The following RBFOX1 variants were observed in gnomAD, a reference collection of about 807,000 sequenced individuals.
RBFOX1 encodes the protein RNA binding fox-1 homolog 1.
A neutral mutation model predicts 57.7 loss-of-function variants in RBFOX1; 8 were observed. That is an observed-to-expected ratio of 0.14 (90% CI 0.08 to 0.25). The LOEUF is 0.25. RBFOX1 is among the 10% of genes least tolerant of loss of function. The pLI, the probability that RBFOX1 is intolerant of heterozygous loss-of-function variation, is 1.00. For synonymous variants in RBFOX1, 326 were observed against 222.4 expected, an observed-to-expected ratio of 1.47 and a Z score of -4.15; for missense variants, 611 against 548.5, an observed-to-expected ratio of 1.11 and a Z score of -1.14.
intron 15 of RBFOX1, 53 bp downstream of exon 15, chr16:7,709,184 C>G (rs545520623): frequency 6.6e-7 from 1 of 1,510,872 alleles, no homozygotes; most frequent in Non-Finnish European, 9.2e-7. Flanking sequence ...CTTCCCTTTC[C>G]CCAGCTGGGA....
intron 3 of RBFOX1, among the ~76,000 whole-genome samples, chr16:5,732,702 T>C (rs2052424181): frequency 6.6e-6 from 1 of 152,186 alleles, no homozygotes; most frequent in Non-Finnish European, 1.5e-5. Context: ...TATCCATTTT[T>C]CACCCATTTA....
chr16:6,142,233 T>A (rs1406985809), intron 1 of RBFOX1, among the ~76,000 whole-genome samples: 1 of 148,298 alleles, frequency 6.7e-6, no homozygotes, highest in South Asian at 2.2e-4. Flanking sequence ...TCTTTTTTTT[T>A]TTTTTGGAGA....
chr16:7,109,238 C>T (rs1031730830), intron 4 of RBFOX1, among the ~76,000 whole-genome samples: 3 of 152,076 alleles, frequency 2.0e-5, no homozygotes, highest in African/African-American at 4.8e-5. Context: ...TAATGTTAAC[C>T]TTGGGACCTC....
chr16:6,895,613 GAA>G (rs926639259), intron 3 of RBFOX1, among the ~76,000 whole-genome samples: 1 of 151,000 alleles, frequency 6.6e-6, no homozygotes, highest in African/African-American at 2.4e-5. Context: ...TGGAGGAGAA[GAA>G]AAAAATGGAG....
chr16:6,742,752 T>C (rs62017581), intron 3 of RBFOX1, among the ~76,000 whole-genome samples: 12,633 of 152,244 alleles, frequency 0.083, 770 homozygotes, highest in Non-Finnish European at 0.12. Flanking sequence ...TTATAGACTA[T>C]ACAATGTCAT....
intron 10 of RBFOX1, among the ~76,000 whole-genome samples, chr16:7,615,268 G>A (rs977897267): frequency 6.6e-6 from 1 of 152,094 alleles, no homozygotes; most frequent in African/African-American, 2.4e-5. Flanking sequence ...GGGAGGCGGA[G>A]CTTGCAGTGA....
At chr16:5,913,090 G>T (rs901209931) in intron 4 of RBFOX1, among the ~76,000 whole-genome samples, 11 of 152,324 alleles carry the variant, frequency 7.2e-5, no homozygotes, top group Middle Eastern at 3.4e-3. Flanking sequence ...CAAGCTGCAT[G>T]TAGTAGCTAT....
chr16:7,683,918 T>A (rs2075479657), intron 14 of RBFOX1, among the ~76,000 whole-genome samples: 1 of 152,124 alleles, frequency 6.6e-6, no homozygotes. Flanking sequence ...GCAGCATTTG[T>A]GGATGTGGCA....
chr16:6,418,751 C>G (rs2093695297), intron 2 of RBFOX1, among the ~76,000 whole-genome samples: 3 of 152,062 alleles, frequency 2.0e-5, no homozygotes, highest in African/African-American at 7.2e-5. Flanking sequence ...TGGTCTTGAA[C>G]TCCTGGTCCT....
At chr16:7,179,983 T>A (rs1378531823) in intron 4 of RBFOX1, among the ~76,000 whole-genome samples, 2 of 152,048 alleles carry the variant, frequency 1.3e-5, no homozygotes, top group Non-Finnish European at 2.9e-5. Flanking sequence ...CCTCAAGTGA[T>A]CTGCCCGCCT....
At chr16:5,379,871 T>A (rs2066086216) in intron 1 of RBFOX1, among the ~76,000 whole-genome samples, 1 of 152,176 alleles carries the variant, frequency 6.6e-6, no homozygotes, top group African/African-American at 2.4e-5. Flanking sequence ...TTCTGGGTCA[T>A]TTTTTAGGTC....
chr16:7,343,674 C>CT (rs2096939677), intron 4 of RBFOX1, among the ~76,000 whole-genome samples: 1 of 152,088 alleles, frequency 6.6e-6, no homozygotes, highest in Non-Finnish European at 1.5e-5. Context: ...AGTAATATAT[C>CT]TTAGGGAGGA....
intron 4 of RBFOX1, among the ~76,000 whole-genome samples, chr16:7,059,233 T>C (rs1288988860): frequency 6.6e-6 from 1 of 152,186 alleles, no homozygotes; most frequent in Non-Finnish European, 1.5e-5. Context: ...AGCCCAGCTT[T>C]TCATTCCTTA....
chr16:6,313,673 C>T (rs1160332602), intron 1 of RBFOX1, among the ~76,000 whole-genome samples: 4 of 152,196 alleles, frequency 2.6e-5, no homozygotes, highest in East Asian at 3.9e-4. Context: ...CAATGTCCTC[C>T]GAGTTTCCTT....
chr16:6,019,868 A>T lies in RBFOX1; in HGVS notation c.-251A>T, dbSNP rs1163740497. ...GCGAAGTTGCGGACAGTGCGTGAGAAACCAGCACCCCCTTCCGCCGCCTCC... is the reference window on the plus strand; with the variant it reads ...GCGAAGTTGCGGACAGTGCGTGAGATACCAGCACCCCCTTCCGCCGCCTCC... On this transcript the variant is annotated 5_prime_UTR_variant, in exon 1 of 16. Transcript: ENST00000550418. The surrounding 1 kb of genome is among the most constrained non-coding windows in gnomAD (Gnocchi z 4.2). 2 of 1,534,056 alleles carry T rather than the reference A, an allele frequency of 1.3e-6. No individual in the cohort carries two copies. Among genetic ancestry groups the T allele is most frequent in the East Asian group, 2.5e-5 (1 of 40,734 alleles).
At chr16:7,643,350 AAAG>A (rs1168774054) in intron 11 of RBFOX1, among the ~76,000 whole-genome samples, 4 of 152,314 alleles carry the variant, frequency 2.6e-5, no homozygotes, top group East Asian at 1.9e-4. Flanking sequence ...ATTTCCACAA[AAAG>A]AAGACTTATT....
At chr16:5,418,397 G>A (rs2067218151) in intron 1 of RBFOX1, among the ~76,000 whole-genome samples, 1 of 152,112 alleles carries the variant, frequency 6.6e-6, no homozygotes, top group African/African-American at 2.4e-5. Context: ...GGACCGGGGT[G>A]TTGTGTGAGG....
intron 10 of RBFOX1, among the ~76,000 whole-genome samples, chr16:7,616,202 G>C (rs191857148): frequency 2.6e-5 from 4 of 152,264 alleles, no homozygotes; most frequent in African/African-American, 4.8e-5. Flanking sequence ...TATAACAAAA[G>C]GATACAGATG....
At chr16:5,962,766 G>C (rs1453422625) in intron 4 of RBFOX1, among the ~76,000 whole-genome samples, 1 of 151,478 alleles carries the variant, frequency 6.6e-6, no homozygotes, top group Non-Finnish European at 1.5e-5. Flanking sequence ...TAGGAATTGG[G>C]TCATTCGCTT....
Sources: allele counts gnomAD v4.1 joint callset (sites outside exome capture counted in the v4.1 genomes callset), GRCh38; gene constraint gnomAD v4.1.1; non-coding constraint Gnocchi (gnomAD v3.1); transcripts MANE v1.5; gene names NCBI Gene and HGNC (gene_info 2026-07-23, HGNC 2026-07-21).